Variants in SLIT3 observed in about 807,000 individuals in gnomAD.
The protein encoded by SLIT3 is slit guidance ligand 3.
A neutral mutation model predicts 184.0 loss-of-function variants in SLIT3; 68 were observed. That is an observed-to-expected ratio of 0.37 (90% CI 0.30 to 0.45). The LOEUF (loss-of-function observed/expected upper bound fraction) is 0.45, where lower values mean the gene tolerates loss of function less well. Ranked by LOEUF, SLIT3 falls within the 20% of genes least tolerant of loss-of-function variation. The pLI, the probability that SLIT3 is intolerant of heterozygous loss-of-function variation, is 1.00. For missense variants in SLIT3, 1,707 were observed against 2,026.0 expected (o/e 0.84, Z 3.02); for synonymous variants, 831 against 828.6 (o/e 1.00, Z -0.05).
chr5:169,185,437 G>T (rs6896685), intron 4 of SLIT3, among the ~76,000 whole-genome samples: 27,283 of 152,136 alleles, frequency 0.18, 3,142 homozygotes, highest in East Asian at 0.35. Flanking sequence ...TTCAGGCAGG[G>T]GGGCAGCCTC....
rs199847158 is a variant in SLIT3, at chr5:168,684,112, G to A, written c.3556-16C>T. On this transcript the variant is annotated splice_polypyrimidine_tract_variant and intron_variant, in intron 31 of 35. Transcript: ENST00000519560. ...CAGTGGCCACCTGGAGAAAGCAGCC[G>A]GGGCGTGTTAGTAAGGGCTTACCTG... The A allele has an allele frequency of 1.8e-5, 29 of 1,569,808 alleles. No individual in the cohort carries two copies. The highest frequency in any genetic ancestry group is 2.4e-5 in the South Asian group (2 of 84,274).
chr5:168,967,437 C>CTTTTTTTTTTGTTTTTTTTTTTTTTT, intron 4 of SLIT3, among the ~76,000 whole-genome samples: 1 of 32,738 alleles, frequency 3.1e-5, no homozygotes, highest in East Asian at 2.2e-3. Context: ...CATCTCAAAT[C>CTTTTTTTTTTGTTTTTTTTTTTTTTT]TTTTTTTTTT....
At chr5:169,157,359 T>C (rs1348130291) in intron 4 of SLIT3, among the ~76,000 whole-genome samples, 1 of 152,178 alleles carries the variant, frequency 6.6e-6, no homozygotes, top group Non-Finnish European at 1.5e-5. Context: ...CCCTGAGGTG[T>C]TGGGAGGCCA....
At chr5:169,057,493 G>T (rs1758040628) in intron 4 of SLIT3, among the ~76,000 whole-genome samples, 1 of 152,222 alleles carries the variant, frequency 6.6e-6, no homozygotes, top group African/African-American at 2.4e-5. Context: ...GAGTGCAAAA[G>T]CAGCGTCTGA....
At chr5:168,783,448 G>T (rs1756043632) in intron 12 of SLIT3, among the ~76,000 whole-genome samples, 1 of 151,986 alleles carries the variant, frequency 6.6e-6, no homozygotes, top group African/African-American at 2.4e-5. Flanking sequence ...GCAGGCAGGA[G>T]AACCAACTAC....
At chr5:169,186,183 C>G (rs1763326913) in intron 4 of SLIT3, among the ~76,000 whole-genome samples, 1 of 152,120 alleles carries the variant, frequency 6.6e-6, no homozygotes, top group Non-Finnish European at 1.5e-5. Context: ...TATTGGAGAT[C>G]AGGTTGTTAA....
At chr5:168,726,328 C>A (rs1163688249) in intron 20 of SLIT3, among the ~76,000 whole-genome samples, 1 of 129,372 alleles carries the variant, frequency 7.7e-6, no homozygotes, top group East Asian at 2.4e-4. Flanking sequence ...AATTAAAAAT[C>A]AAATATAGGT....
chr5:169,056,395 G>A (rs997735693), intron 4 of SLIT3, among the ~76,000 whole-genome samples: 1 of 152,090 alleles, frequency 6.6e-6, no homozygotes, highest in South Asian at 2.1e-4. Context: ...AAATATATAT[G>A]TTTACGCATA....
chr5:168,856,100 C>A (rs1258367625), intron 5 of SLIT3, among the ~76,000 whole-genome samples: 1 of 152,076 alleles, frequency 6.6e-6, no homozygotes, highest in African/African-American at 2.4e-5. Context: ...CAGAGTGAGA[C>A]TCCATCTTAC....
chr5:169,272,417 C>A (rs904459518), intron 1 of SLIT3, among the ~76,000 whole-genome samples: 1 of 152,246 alleles, frequency 6.6e-6, no homozygotes, highest in Non-Finnish European at 1.5e-5. Flanking sequence ...TATTACCTGT[C>A]TGGCCCAGGT....
chr5:169,235,139 C>T (rs79599184), intron 3 of SLIT3, among the ~76,000 whole-genome samples: 7,287 of 152,180 alleles, frequency 0.048, 260 homozygotes, highest in Middle Eastern at 0.1. Context: ...TTTTCTTCCT[C>T]AGAGATTCCT....
chr5:168,754,095 G>GCAA, intron 16 of SLIT3, 88 bp from the exon 17 acceptor site: 1 of 1,411,398 alleles, frequency 7.1e-7, no homozygotes, highest in Non-Finnish European at 9.5e-7. Context: ...CAGCTGCTGG[G>GCAA]GACTCTCTGG....
chr5:168,728,831 T>C (rs994102866), intron 20 of SLIT3, among the ~76,000 whole-genome samples: 3 of 151,620 alleles, frequency 2.0e-5, no homozygotes, highest in Non-Finnish European at 2.9e-5. Flanking sequence ...GGTGGGAGGA[T>C]TGCATGAGCC....
chr5:169,124,805 G>C (rs1561680985), intron 4 of SLIT3, among the ~76,000 whole-genome samples: 1 of 151,938 alleles, frequency 6.6e-6, no homozygotes, highest in Admixed American at 6.6e-5. Flanking sequence ...GAATACCGAT[G>C]TGGTATTGTG....
intron 3 of SLIT3, among the ~76,000 whole-genome samples, chr5:169,199,804 G>A (rs1401418478): frequency 1.3e-5 from 2 of 152,190 alleles, no homozygotes; most frequent in Admixed American, 1.3e-4. Flanking sequence ...ATTATAAACT[G>A]TCTTATCATC....
chr5:169,181,740 CAAAA>C (rs11452806), intron 4 of SLIT3, among the ~76,000 whole-genome samples: 1 of 141,470 alleles, frequency 7.1e-6, no homozygotes, highest in Non-Finnish European at 1.5e-5. Flanking sequence ...GACTTCATCT[CAAAA>C]AAAAAAAAAA....
chr5:169,043,047 T>C (rs1168140258), intron 4 of SLIT3, among the ~76,000 whole-genome samples: 2 of 152,240 alleles, frequency 1.3e-5, no homozygotes, highest in Non-Finnish European at 2.9e-5. Context: ...GCTTCCTTTA[T>C]TGAATGCCTC....
intron 4 of SLIT3, among the ~76,000 whole-genome samples, chr5:169,116,115 G>C (rs1273311947): frequency 6.6e-6 from 1 of 152,148 alleles, no homozygotes; most frequent in South Asian, 2.1e-4. Context: ...TGAGGATATG[G>C]AGAGATAATT....
intron 11 of SLIT3, among the ~76,000 whole-genome samples, chr5:168,789,191 G>T (rs1031489564): frequency 7.0e-6 from 1 of 143,552 alleles, no homozygotes; most frequent in Non-Finnish European, 1.5e-5. Context: ...AGGCCAAGCG[G>T]TAATAAACAC....
Sources: gnomAD v4.1 joint callset for allele counts (sites outside exome capture counted in the v4.1 genomes callset) on GRCh38, gnomAD v4.1.1 for gene constraint, MANE v1.5 for transcripts, NCBI Gene and HGNC (gene_info 2026-07-23, HGNC 2026-07-21) for gene names.